PPIL2: variants seen among roughly 807,000 people sequenced by gnomAD.
PPIL2 encodes the protein RING-type E3 ubiquitin-protein ligase PPIL2.
A neutral mutation model predicts 75.2 loss-of-function variants in PPIL2; 50 were observed. That is an observed-to-expected ratio of 0.66 (90% CI 0.53 to 0.84). The LOEUF is 0.84. PPIL2 is among the 40% of genes least tolerant of loss of function. The probability of loss-of-function intolerance (pLI) is 0.00; values close to 1 mark genes in which losing one functional copy is unlikely to be tolerated. For synonymous variants in PPIL2, 245 were observed against 258.8 expected (o/e 0.95, Z 0.51); for missense variants, 590 against 685.0 (o/e 0.86, Z 1.55).
At chr22:21,688,436 C>A (rs2067473002) in intron 14 of PPIL2, among the ~76,000 whole-genome samples, 1 of 152,240 alleles carries the variant, frequency 6.6e-6, no homozygotes, top group Non-Finnish European at 1.5e-5. Context: ...GATCCCCCAA[C>A]CTCTGTATTC....
intron 2 of PPIL2, 28 bp downstream of exon 2, chr22:21,669,990 G>C (rs200816562): frequency 6.3e-7 from 1 of 1,595,498 alleles, no homozygotes; most frequent in Non-Finnish European, 8.6e-7. Flanking sequence ...TCTGTTCCCC[G>C]TTGGGGGAGT....
intron 12 of PPIL2, 81 bp from the exon 13 acceptor site, chr22:21,687,562 A>AG (rs1427996278): frequency 1.2e-6 from 1 of 816,724 alleles, no homozygotes; most frequent in East Asian, 3.6e-5. Flanking sequence ...AAAAAAAAAA[A>AG]AAAAAAAAAG....
At chr22:21,675,525 ACT>A (rs1424619246) in intron 6 of PPIL2, among the ~76,000 whole-genome samples, 2 of 151,270 alleles carry the variant, frequency 1.3e-5, no homozygotes, top group Non-Finnish European at 2.9e-5. Context: ...ACAGAGCGAG[ACT>A]CTGTCTCAAA....
intron 15 of PPIL2, among the ~76,000 whole-genome samples, chr22:21,692,457 C>A (rs896649984): frequency 1.3e-5 from 2 of 151,826 alleles, no homozygotes; most frequent in Admixed American, 6.6e-5. Context: ...CCTGGCCAAT[C>A]CTGACAATCT....
intron 12 of PPIL2, 70 bp from the exon 13 acceptor site, chr22:21,687,571 AGC>A: frequency 1.3e-6 from 1 of 763,734 alleles, no homozygotes; most frequent in Admixed American, 2.7e-5. Flanking sequence ...AAAAAAAAAA[AGC>A]CTCCTGTGGC....
Position 21,688,584 on chromosome 22 carries a change from TGGCGTG to T in PPIL2, c.1022-145_1022-140del. 5.5e-6 allele frequency: 4 copies of T among 732,992 alleles called. No homozygotes were observed. In the South Asian group the frequency reaches 6.9e-5, roughly 13 times the overall value. 45.4% of individuals were successfully genotyped at this position (732,992 alleles called of 1,614,324 possible). On this transcript the variant is annotated intron_variant, in intron 14 of 19. Transcript: ENST00000398831. ...GGGCTCCAAGGGACCCAGGAGTTGG[TGGCGTG>T]GGGCTGGGAGCCTCCCTATCAAGTG... is the stretch of plus-strand genomic sequence containing the variant.
In PPIL2 at chr22:21,686,894, G is replaced by T; in HGVS notation, c.793G>T (p.Ala265Ser). The T allele has an allele frequency of 1.2e-6, 2 of 1,613,860 alleles. No individual in the cohort carries two copies. Among genetic ancestry groups the T allele is most frequent in the Non-Finnish European group, 1.7e-6 (2 of 1,179,932 alleles). Residue 265 changes from alanine (A) to serine (S), a missense_variant and splice_region_variant, in exon 12 of 20, where the codon GCC (alanine) becomes TCC (serine). By Grantham distance (99) the Ala-to-Ser change is moderately conservative (BLOSUM62 1). Coordinates refer to ENST00000398831, the MANE Select transcript of PPIL2 (RefSeq NM_014337.4). Reference sequence around the variant, plus strand: ...TGAGCTGGGACCTTGGCTTGTAGCTGCCATCGACGAGGATGTGCTGCGCTA... The same window carrying T: ...TGAGCTGGGACCTTGGCTTGTAGCTTCCATCGACGAGGATGTGCTGCGCTA... ...MVPETTHEAA[A>S]IDEDVLRYQF...
rs371493969 is a variant in PPIL2 at position 21,697,302 on chromosome 22, A to T, written c.*1812A>T. On this transcript the variant is annotated 3_prime_UTR_variant, in exon 20 of 20. Coordinates refer to ENST00000398831, the MANE Select transcript of PPIL2 (RefSeq NM_014337.4). Reference sequence around the variant, plus strand: ...AAGGCCTGACCAGGGAGGGAGAAGCAGGTTTGGAGAGGACCCTGTGCCCAC... The same window carrying T: ...AAGGCCTGACCAGGGAGGGAGAAGCTGGTTTGGAGAGGACCCTGTGCCCAC... 2 of 347,148 alleles carry T rather than the reference A, an allele frequency of 5.8e-6. No individual in the cohort carries two copies. 21.5% of individuals were successfully genotyped at this position (347,148 alleles called of 1,614,324 possible). A position where few individuals can be genotyped will look rare whatever the true frequency, so the allele number is the denominator to read the frequency against.
chr22:21,697,026 A>G lies in PPIL2; in HGVS notation c.*1536A>G. ...CCAGCCCATCCCTCTGCAGCCTGTC[A>G]TCCCTGTCTGTGACCATTGGTCGGG... is the stretch of plus-strand genomic sequence containing the variant. On this transcript the variant is annotated 3_prime_UTR_variant, in exon 20 of 20. Transcript: ENST00000398831. The G allele has an allele frequency of 1.3e-6, 2 of 1,534,720 alleles. No individual in the cohort carries two copies. Among genetic ancestry groups the G allele is most frequent in the Non-Finnish European group, 1.8e-6 (2 of 1,136,208 alleles).
At chr22:21,674,410 T>C (rs1379581647) in intron 5 of PPIL2, among the ~76,000 whole-genome samples, 1 of 151,974 alleles carries the variant, frequency 6.6e-6, no homozygotes, top group Non-Finnish European at 1.5e-5. Flanking sequence ...AAAAATAGAG[T>C]CCCATCTTCC....
downstream of PPIL2, chr22:21,698,627 G>A (rs757559672): frequency 6.6e-6 from 1 of 152,380 alleles, no homozygotes; most frequent in Non-Finnish European, 1.5e-5. Flanking sequence ...TTTAAGATAA[G>A]TTTTCAGTGA....
At chr22:21,684,454 C>CAA (rs1028354500) in intron 9 of PPIL2, among the ~76,000 whole-genome samples, 2,316 of 47,446 alleles carry the variant, frequency 0.049, 277 homozygotes, top group African/African-American at 0.18. Flanking sequence ...TCCATCTCCA[C>CAA]AAAAAAAAAA....
chr22:21,676,309 T>TTTTTTTTGTGTGTGTGTG (rs71318714), intron 6 of PPIL2, among the ~76,000 whole-genome samples: 1 of 123,018 alleles, frequency 8.1e-6, no homozygotes, highest in Non-Finnish European at 1.7e-5. Context: ...TTTATTTATT[T>TTTTTTTTGTGTGTGTGTG]TGTGTGTGTG....
chr22:21,681,604 C>T (rs1569030207), intron 7 of PPIL2, among the ~76,000 whole-genome samples: 1 of 152,236 alleles, frequency 6.6e-6, no homozygotes, highest in African/African-American at 2.4e-5. Context: ...GTGCATCCTT[C>T]GGAATCCAGG....
At chr22:21,670,939 A>G in intron 3 of PPIL2, 58 bp from the exon 4 acceptor site, 5 of 1,499,976 alleles carry the variant, frequency 3.3e-6, no homozygotes, top group Non-Finnish European at 4.6e-6. Context: ...AGTCTCAGCC[A>G]GCCCACATCC....
chr22:21,671,752 C>T (rs2066641497), intron 4 of PPIL2, among the ~76,000 whole-genome samples: 1 of 152,080 alleles, frequency 6.6e-6, no homozygotes, highest in Non-Finnish European at 1.5e-5. Context: ...TTTAATTATA[C>T]AGATGTATCA....
chr22:21,676,308 T>TG (rs1281618862), intron 6 of PPIL2, among the ~76,000 whole-genome samples: 16,136 of 123,696 alleles, frequency 0.13, 1,199 homozygotes, highest in Non-Finnish European at 0.18. Context: ...ATTTATTTAT[T>TG]TTGTGTGTGT....
intron 10 of PPIL2, among the ~76,000 whole-genome samples, chr22:21,685,896 G>T (rs566743211): frequency 6.6e-6 from 1 of 152,172 alleles, no homozygotes; most frequent in African/African-American, 2.4e-5. Context: ...GAGGCCAGGC[G>T]TGGTGGCTCA....
At chr22:21,693,546 G>A (rs760268285) in intron 15 of PPIL2, among the ~76,000 whole-genome samples, 1 of 152,194 alleles carries the variant, frequency 6.6e-6, no homozygotes, top group Non-Finnish European at 1.5e-5. Context: ...CCTGGTTCTG[G>A]GCACAGGGAC....
Sources: gnomAD v4.1 joint callset for allele counts (sites outside exome capture counted in the v4.1 genomes callset) on GRCh38, gnomAD v4.1.1 for gene constraint, MANE v1.5 for transcripts, NCBI Gene and HGNC (gene_info 2026-07-23, HGNC 2026-07-21) for gene names.